EXOC4: variants seen among roughly 807,000 people sequenced by gnomAD.
EXOC4 encodes the protein SEC8-like 1.
A neutral mutation model predicts 107.2 loss-of-function variants in EXOC4; 71 were observed. The observed-to-expected ratio is 0.66, with a 90% CI of 0.55 to 0.81. The LOEUF is 0.81. Ranked by LOEUF, EXOC4 falls within the 30% of genes least tolerant of loss-of-function variation. The pLI, the probability that EXOC4 is intolerant of heterozygous loss-of-function variation, is 0.00. For missense variants in EXOC4, 1,108 were observed against 1,189.6 expected (o/e 0.93, Z 1.01); for synonymous variants, 456 against 441.2 (o/e 1.03, Z -0.42).
intron 11 of EXOC4, among the ~76,000 whole-genome samples, chr7:133,837,207 G>A (rs1209866917): frequency 6.6e-6 from 1 of 152,154 alleles, no homozygotes; most frequent in Non-Finnish European, 1.5e-5. Context: ...ATTAGGAAGT[G>A]CGAAAATTTA....
At chr7:133,254,461 G>A (rs1161615456) in intron 1 of EXOC4, among the ~76,000 whole-genome samples, 1 of 152,146 alleles carries the variant, frequency 6.6e-6, no homozygotes, top group East Asian at 1.9e-4. Flanking sequence ...AAGAATGTTT[G>A]TTGTTTCCCA....
chr7:133,899,595 T>G (rs912089236), intron 12 of EXOC4, among the ~76,000 whole-genome samples: 129 of 152,296 alleles, frequency 8.5e-4, no homozygotes, highest in African/African-American at 3.0e-3. Flanking sequence ...CATTTAGTCT[T>G]GCTTTCCCTC....
chr7:133,398,722 A>C (rs1275131892), intron 7 of EXOC4, among the ~76,000 whole-genome samples: 1 of 152,132 alleles, frequency 6.6e-6, no homozygotes, highest in Non-Finnish European at 1.5e-5. Flanking sequence ...CCACATTCTC[A>C]ACTGAATTTC....
chr7:133,686,947 A>G (rs1391019137), intron 10 of EXOC4, among the ~76,000 whole-genome samples: 1 of 152,094 alleles, frequency 6.6e-6, no homozygotes, highest in African/African-American at 2.4e-5. Context: ...GCAAAAATAC[A>G]GAAACCAGCC....
intron 4 of EXOC4, among the ~76,000 whole-genome samples, chr7:133,308,185 C>T (rs1383464856): frequency 6.6e-6 from 1 of 152,068 alleles, no homozygotes; most frequent in Admixed American, 6.6e-5. Context: ...GTGGTCAATC[C>T]AGTGATTTTA....
chr7:133,454,540 G>A (rs185492716), intron 7 of EXOC4, among the ~76,000 whole-genome samples: 15 of 152,290 alleles, frequency 9.8e-5, no homozygotes, highest in African/African-American at 3.6e-4. Context: ...CAAGTGATCT[G>A]CCCTCCTTGG....
At chr7:133,948,170 G>A (rs1016641528) in intron 14 of EXOC4, among the ~76,000 whole-genome samples, 1 of 152,180 alleles carries the variant, frequency 6.6e-6, no homozygotes, top group African/African-American at 2.4e-5. Flanking sequence ...GTGGAAGATT[G>A]TACCTGAAGG....
chr7:133,448,423 T>C (rs930679539), intron 7 of EXOC4, among the ~76,000 whole-genome samples: 1 of 152,032 alleles, frequency 6.6e-6, no homozygotes, highest in Non-Finnish European at 1.5e-5. Context: ...TCAGCTACCT[T>C]AGCAGCTAGG....
At chr7:134,023,120 T>G (rs1454186399) in intron 17 of EXOC4, among the ~76,000 whole-genome samples, 1 of 152,200 alleles carries the variant, frequency 6.6e-6, no homozygotes, top group Non-Finnish European at 1.5e-5. Context: ...ACTAGGACTC[T>G]GTGCTTTTAC....
At chr7:134,046,857 C>A (rs963860518) in intron 17 of EXOC4, among the ~76,000 whole-genome samples, 1 of 152,034 alleles carries the variant, frequency 6.6e-6, no homozygotes, top group African/African-American at 2.4e-5. Flanking sequence ...GGGAGTGGGG[C>A]GGGCTGTAGG....
intron 11 of EXOC4, among the ~76,000 whole-genome samples, chr7:133,894,092 A>C (rs933655883): frequency 2.2e-5 from 2 of 89,628 alleles, no homozygotes; most frequent in Admixed American, 1.8e-4. Context: ...TGGTCTTTTC[A>C]CATAGTCCCA....
At chr7:133,523,254 T>C (rs890043366) in intron 9 of EXOC4, among the ~76,000 whole-genome samples, 1 of 152,194 alleles carries the variant, frequency 6.6e-6, no homozygotes, top group African/African-American at 2.4e-5. Flanking sequence ...AAGCAGACTC[T>C]ATATTTTAAA....
At chr7:133,398,595 T>C (rs1488766367) in intron 7 of EXOC4, among the ~76,000 whole-genome samples, 2 of 152,254 alleles carry the variant, frequency 1.3e-5, no homozygotes, top group African/African-American at 4.8e-5. Context: ...TTTTAATAAC[T>C]TTCCTTTCCA....
chr7:133,971,336 A>C (rs544739908), intron 14 of EXOC4, among the ~76,000 whole-genome samples: 2 of 68,808 alleles, frequency 2.9e-5, no homozygotes, highest in East Asian at 9.4e-4. Context: ...GAAAATGTGT[A>C]TATATATATA....
At chr7:134,024,450 C>CAAA (rs34739382) in intron 17 of EXOC4, among the ~76,000 whole-genome samples, 3 of 134,916 alleles carry the variant, frequency 2.2e-5, no homozygotes, top group African/African-American at 8.0e-5. Flanking sequence ...GACTCCATCT[C>CAAA]AAAAAAAAAA....
At chr7:133,934,227 C>A (rs923760110) in intron 13 of EXOC4, among the ~76,000 whole-genome samples, 1 of 152,178 alleles carries the variant, frequency 6.6e-6, no homozygotes, top group Non-Finnish European at 1.5e-5. Context: ...AAAGCCATCC[C>A]TTTAAAGTTA....
chr7:133,256,868 T>C (rs1795031215), intron 1 of EXOC4, among the ~76,000 whole-genome samples: 1 of 152,204 alleles, frequency 6.6e-6, no homozygotes, highest in African/African-American at 2.4e-5. Flanking sequence ...TTCCAGCCCT[T>C]GTACTAAATA....
intron 6 of EXOC4, among the ~76,000 whole-genome samples, chr7:133,373,379 A>G (rs996216783): frequency 1.3e-5 from 2 of 152,218 alleles, no homozygotes; most frequent in Non-Finnish European, 2.9e-5. Context: ...TATAAATACA[A>G]TGTGTAACTT....
At chr7:134,083,852 G>C in the EXOC4 span, among the ~76,000 whole-genome samples, 4 of 152,170 alleles carry the variant, frequency 2.6e-5, no homozygotes, top group Admixed American at 2.0e-4. Flanking sequence ...TCTGTAATCT[G>C]CCACACTCTC....
Sources: gnomAD v4.1 joint callset for allele counts (sites outside exome capture counted in the v4.1 genomes callset) on GRCh38, gnomAD v4.1.1 for gene constraint, MANE v1.5 for transcripts, NCBI Gene and HGNC (gene_info 2026-07-23, HGNC 2026-07-21) for gene names.